Variants in PCDH9 observed in about 807,000 individuals in gnomAD.
PCDH9 encodes the protein protocadherin 9.
In PCDH9, 24 loss-of-function variants were observed where a neutral mutation model predicts 70.6. The ratio of observed to expected loss-of-function variants is 0.34; its 90% CI spans 0.25 to 0.48. PCDH9 has a LOEUF of 0.48. Ranked by LOEUF, PCDH9 falls within the 20% of genes least tolerant of loss-of-function variation. The probability of loss-of-function intolerance (pLI) is 0.99; values close to 1 mark genes in which losing one functional copy is unlikely to be tolerated. For missense variants in PCDH9, 1,281 were observed against 1,503.6 expected (o/e 0.85, Z 2.45); for synonymous variants, 562 against 558.5 (o/e 1.01, Z -0.09).
chr13:66,918,743 A>G (rs1025734321), intron 2 of PCDH9, among the ~76,000 whole-genome samples: 1 of 151,288 alleles, frequency 6.6e-6, no homozygotes, highest in Admixed American at 6.6e-5. Context: ...AAATCTAAGT[A>G]ATAATACAAC....
chr13:67,063,553 T>C (rs1409393014), intron 2 of PCDH9, among the ~76,000 whole-genome samples: 1 of 151,234 alleles, frequency 6.6e-6, no homozygotes, highest in Non-Finnish European at 1.5e-5. Flanking sequence ...TGCTACCACA[T>C]TCTGATTCTG....
intron 4 of PCDH9, among the ~76,000 whole-genome samples, chr13:66,512,930 G>A (rs1959550709): frequency 6.6e-6 from 1 of 151,974 alleles, no homozygotes; most frequent in African/African-American, 2.4e-5. Context: ...CCTGGCTCAA[G>A]TGATCCTCCC....
intron 4 of PCDH9, among the ~76,000 whole-genome samples, chr13:66,425,367 A>G (rs1441261821): frequency 2.6e-5 from 4 of 151,656 alleles, no homozygotes; most frequent in Admixed American, 6.6e-5. Context: ...GTAACCTCCT[A>G]TCACACCGAC....
intron 3 of PCDH9, among the ~76,000 whole-genome samples, chr13:66,863,171 A>T (rs903920669): frequency 6.6e-6 from 1 of 152,320 alleles, no homozygotes; most frequent in East Asian, 1.9e-4. Flanking sequence ...CAAGATACAA[A>T]TAAAAACTGC....
At chr13:66,308,217 C>A (rs1198658646) in intron 4 of PCDH9, among the ~76,000 whole-genome samples, 2 of 152,014 alleles carry the variant, frequency 1.3e-5, no homozygotes, top group African/African-American at 2.4e-5. Flanking sequence ...TCTTCAATTT[C>A]TTTAAACTTT....
chr13:66,602,725 AAAGT>A lies in PCDH9; in HGVS notation c.3340+28481_3340+28484del, dbSNP rs550091400. 6.2e-5 allele frequency among the ~76,000 whole-genome samples: 9 copies of A among 145,840 alleles called. 2 individuals carry two copies. Among genetic ancestry groups the A allele is most frequent in the Non-Finnish European group, 1.2e-4 (8 of 64,866 alleles). Reference sequence around the variant, plus strand: ...TTCTTTACATAGTCTACCTTAGTGCAAAGTATGTCCTAGGCCTTCACATTTACTC... The same window carrying A: ...TTCTTTACATAGTCTACCTTAGTGCAATGTCCTAGGCCTTCACATTTACTC... On this transcript the variant is annotated intron_variant, in intron 4 of 4. Coordinates refer to ENST00000377865, the MANE Select transcript of PCDH9 (RefSeq NM_203487.3).
intron 4 of PCDH9, among the ~76,000 whole-genome samples, chr13:66,448,447 A>G (rs936717722): frequency 2.6e-5 from 4 of 152,246 alleles, no homozygotes; most frequent in African/African-American, 7.2e-5. Flanking sequence ...AGACATTGCA[A>G]CATTTTAAGG....
chr13:67,034,875 G>C (rs999729260), intron 2 of PCDH9, among the ~76,000 whole-genome samples: 2 of 151,262 alleles, frequency 1.3e-5, no homozygotes, highest in Non-Finnish European at 2.9e-5. Flanking sequence ...TGAAAGTTTA[G>C]ACAATTTGCA....
intron 2 of PCDH9, among the ~76,000 whole-genome samples, chr13:66,928,491 T>C (rs1327629892): frequency 6.6e-6 from 1 of 152,138 alleles, no homozygotes; most frequent in Non-Finnish European, 1.5e-5. Flanking sequence ...CACATTGCTA[T>C]AGTCTGAAGG....
chr13:67,177,352 C>T (rs146249943), intron 2 of PCDH9, among the ~76,000 whole-genome samples: 2 of 152,188 alleles, frequency 1.3e-5, no homozygotes, highest in East Asian at 3.9e-4. Flanking sequence ...GTTCCTTCTC[C>T]ATTTCTTTCA....
intron 4 of PCDH9, among the ~76,000 whole-genome samples, chr13:66,451,951 G>A (rs383409): frequency 0.97 from 147,122 of 152,284 alleles, 71,249 homozygotes; most frequent in East Asian, 1. Flanking sequence ...TTCCTGCAGC[G>A]TTTTTGCTTG....
chr13:66,486,015 A>G (rs1958933425), intron 4 of PCDH9, among the ~76,000 whole-genome samples: 1 of 152,160 alleles, frequency 6.6e-6, no homozygotes, highest in African/African-American at 2.4e-5. Flanking sequence ...GGTGCGAGCC[A>G]CTGTGCTGGG....
intron 2 of PCDH9, chr13:66,996,236 T>C (rs2084112417): frequency 6.6e-6 from 1 of 152,212 alleles, no homozygotes; most frequent in African/African-American, 2.4e-5. Flanking sequence ...TTGGAGTACA[T>C]TGGTGAATAG....
chr13:67,052,743 A>C (rs2085346082), intron 2 of PCDH9, among the ~76,000 whole-genome samples: 1 of 152,084 alleles, frequency 6.6e-6, no homozygotes, highest in Non-Finnish European at 1.5e-5. Context: ...AATTCATGAG[A>C]TATGTATTAG....
At chr13:67,018,047 AT>A (rs528910580) in intron 2 of PCDH9, among the ~76,000 whole-genome samples, 196 of 152,302 alleles carry the variant, frequency 1.3e-3, no homozygotes, top group Admixed American at 2.2e-3. Flanking sequence ...TTTTTCTTTG[AT>A]TAGAAGCAAT....
chr13:66,370,763 C>T (rs1956636293), intron 4 of PCDH9, among the ~76,000 whole-genome samples: 1 of 152,008 alleles, frequency 6.6e-6, no homozygotes, highest in African/African-American at 2.4e-5. Context: ...ATCCACCTGC[C>T]TCAGACTCCC....
chr13:66,772,376 T>C (rs568538884), intron 3 of PCDH9, among the ~76,000 whole-genome samples: 1 of 152,338 alleles, frequency 6.6e-6, no homozygotes, highest in Admixed American at 6.5e-5. Context: ...ACAATTTGTT[T>C]ACATGCAAGT....
intron 2 of PCDH9, among the ~76,000 whole-genome samples, chr13:67,179,345 C>T (rs1300250936): frequency 6.6e-6 from 1 of 152,052 alleles, no homozygotes; most frequent in African/African-American, 2.4e-5. Flanking sequence ...CACAACTAAT[C>T]TTTGTGATGG....
intron 2 of PCDH9, among the ~76,000 whole-genome samples, chr13:67,033,758 A>T (rs2084954107): frequency 6.6e-6 from 1 of 152,142 alleles, no homozygotes; most frequent in South Asian, 2.1e-4. Context: ...GCTTAAGAAG[A>T]GTTGGTTGAG....
Sources: allele counts gnomAD v4.1 joint callset (sites outside exome capture counted in the v4.1 genomes callset), GRCh38; gene constraint gnomAD v4.1.1; transcripts MANE v1.5; gene names NCBI Gene and HGNC (gene_info 2026-07-23, HGNC 2026-07-21).